Variants in RASEF observed in about 807,000 individuals in gnomAD.
RASEF encodes the protein RAS and EF-hand domain containing.
Under a neutral mutation model 90.1 loss-of-function variants are expected in RASEF, and 68 were observed. The observed-to-expected ratio is 0.75, with a 90% CI of 0.62 to 0.92. The LOEUF (loss-of-function observed/expected upper bound fraction) is 0.92. Among genes scored for constraint, RASEF ranks in the 40% least tolerant of loss-of-function variants. The pLI, the probability that RASEF is intolerant of heterozygous loss-of-function variation, is 0.00. For synonymous variants in RASEF, 331 were observed against 345.2 expected (o/e 0.96, Z 0.46); for missense variants, 949 against 937.2 (o/e 1.01, Z -0.16).
chr9:83,028,674 A>ATAGT (rs2118587400), intron 1 of RASEF, among the ~76,000 whole-genome samples: 1 of 152,346 alleles, frequency 6.6e-6, no homozygotes, highest in African/African-American at 2.4e-5. Context: ...TGTAATAAAA[A>ATAGT]TAGTTATACG....
At chr9:82,987,735 T>C (rs1828733936) in intron 16 of RASEF, among the ~76,000 whole-genome samples, 1 of 152,258 alleles carries the variant, frequency 6.6e-6, no homozygotes, top group African/African-American at 2.4e-5. Flanking sequence ...GACTGTCATA[T>C]ACAGAGTCAC....
the RASEF span, among the ~76,000 whole-genome samples, chr9:83,177,688 T>G: frequency 6.6e-6 from 1 of 152,112 alleles, no homozygotes; most frequent in African/African-American, 2.4e-5. Context: ...TGTTTATCTT[T>G]GGCTTTCAGC....
At chr9:83,063,360 T>C (rs535336874), upstream of RASEF, among the ~76,000 whole-genome samples, 27 of 152,286 alleles carry the variant, frequency 1.8e-4, no homozygotes, top group South Asian at 4.6e-3. Flanking sequence ...AGCCCAGCGC[T>C]CCGCTTCTCC....
the RASEF span, among the ~76,000 whole-genome samples, chr9:83,112,229 C>G: frequency 6.6e-6 from 1 of 152,076 alleles, no homozygotes; most frequent in Non-Finnish European, 1.5e-5. Context: ...TTCTAGAAAG[C>G]TATTTTACAA....
At chr9:83,096,640 T>A in the RASEF span, among the ~76,000 whole-genome samples, 81 of 152,096 alleles carry the variant, frequency 5.3e-4, no homozygotes, top group Non-Finnish European at 1.0e-3. Flanking sequence ...TTTTTTTTTC[T>A]TTTATTATAC....
intron 9 of RASEF, 79 bp downstream of exon 9, chr9:83,004,419 A>ATTCTATTATTTT (rs1564073862): frequency 1.2e-6 from 1 of 809,612 alleles, no homozygotes; most frequent in Non-Finnish European, 2.1e-6. Context: ...CTATTATTTT[A>ATTCTATTATTTT]ATCCACCTCC....
At chr9:83,123,001 A>C in the RASEF span, among the ~76,000 whole-genome samples, 1 of 151,240 alleles carries the variant, frequency 6.6e-6, no homozygotes, top group Non-Finnish European at 1.5e-5. Flanking sequence ...ACACTTTGGC[A>C]GGCCGAGGCA....
At chr9:83,004,784 A>G (rs555869931) in intron 8 of RASEF, among the ~76,000 whole-genome samples, 198 bp from the exon 9 acceptor site, 1 of 152,354 alleles carries the variant, frequency 6.6e-6, no homozygotes, top group African/African-American at 2.4e-5. Flanking sequence ...GATGACTGCC[A>G]TAGTACGCTC....
intron 3 of RASEF, among the ~76,000 whole-genome samples, chr9:83,016,386 C>T (rs1025450212): frequency 1.3e-5 from 2 of 151,992 alleles, no homozygotes; most frequent in Admixed American, 6.6e-5. Flanking sequence ...TGGTACTTCT[C>T]GGGGGTGTCC....
chr9:83,188,346 A>G, the RASEF span, among the ~76,000 whole-genome samples: 1 of 152,234 alleles, frequency 6.6e-6, no homozygotes, highest in East Asian at 1.9e-4. Flanking sequence ...TGACAACAAT[A>G]TATGAACATA....
chr9:83,116,789 G>C, the RASEF span, among the ~76,000 whole-genome samples: 1 of 151,898 alleles, frequency 6.6e-6, no homozygotes, highest in Non-Finnish European at 1.5e-5. Flanking sequence ...TCAAAGATAA[G>C]GATTTGGGGG....
At chr9:83,194,838 C>G in the RASEF span, among the ~76,000 whole-genome samples, 1 of 152,282 alleles carries the variant, frequency 6.6e-6, no homozygotes, top group South Asian at 2.1e-4. Flanking sequence ...AGGATTACTC[C>G]TGTGCCCCTT....
chr9:83,208,647 C>T, the RASEF span, among the ~76,000 whole-genome samples: 1 of 152,142 alleles, frequency 6.6e-6, no homozygotes, highest in Non-Finnish European at 1.5e-5. Context: ...ATGGCACCTC[C>T]TCCCTCCCTC....
At chr9:83,000,340 T>C (rs1412272800) in intron 11 of RASEF, 24 bp from the exon 12 acceptor site, 1 of 1,612,316 alleles carries the variant, frequency 6.2e-7, no homozygotes, top group Non-Finnish European at 8.5e-7. Flanking sequence ...CCACAGTGAA[T>C]GATAACGGTA....
the RASEF span, among the ~76,000 whole-genome samples, chr9:83,208,661 T>C: frequency 1.3e-5 from 2 of 152,260 alleles, no homozygotes; most frequent in East Asian, 1.9e-4. Flanking sequence ...CTCCCTCTCA[T>C]TCCTAACTGT....
intron 1 of RASEF, among the ~76,000 whole-genome samples, chr9:83,037,451 C>T (rs1207863371): frequency 2.6e-5 from 4 of 152,016 alleles, no homozygotes; most frequent in African/African-American, 9.6e-5. Context: ...TTACAAATTC[C>T]ATGAAAAATA....
chr9:83,062,605 G>A lies in RASEF; in HGVS notation c.263C>T (p.Pro88Leu), dbSNP rs767594728. ...GRRRDWGPLD[P>L]APAVSEAGPE... is the part of the protein sequence containing the mutation. ...CCCCGCCTCAGACACGGCGGGCGCG[G>A]GATCCAGAGGACCCCAGTCCCGGCG... The change falls in exon 1 of 17, where the codon CCC (proline) becomes CTC (leucine). Residue 88 changes from proline (P) to leucine (L), a missense_variant. Around this residue, in one of 3 missense-constraint regions of RASEF, gnomAD observed 656 missense variants for 592.2 expected, o/e 1.11. Transcript: ENST00000376447. 6 of 1,564,520 alleles carry A rather than the reference G, an allele frequency of 3.8e-6. No individual in the cohort carries two copies. The South Asian group carries it at 5.8e-5, about 15-fold the overall frequency.
chr9:83,152,988 C>T, the RASEF span, among the ~76,000 whole-genome samples: 1 of 152,184 alleles, frequency 6.6e-6, no homozygotes, highest in South Asian at 2.1e-4. Context: ...ATGTCTTCTA[C>T]TCTGCCTTAA....
the RASEF span, among the ~76,000 whole-genome samples, chr9:83,155,025 T>C: frequency 6.6e-6 from 1 of 152,162 alleles, no homozygotes; most frequent in African/African-American, 2.4e-5. Context: ...CCACCACCTC[T>C]TGTGGGTTAG....
Sources: allele counts gnomAD v4.1 joint callset (sites outside exome capture counted in the v4.1 genomes callset), GRCh38; gene constraint gnomAD v4.1.1; regional missense constraint gnomAD v4.1.1; transcripts MANE v1.5; gene names NCBI Gene and HGNC (gene_info 2026-07-23, HGNC 2026-07-21).